Variants in C13orf42 observed in about 807,000 individuals in gnomAD.
The protein encoded by C13orf42 is uncharacterized protein C13orf42.
chr13:51,139,809 T>C (rs1012526166), intron 1 of C13orf42, among the ~76,000 whole-genome samples: 14 of 152,174 alleles, frequency 9.2e-5, no homozygotes, highest in African/African-American at 3.1e-4. Context: ...GAAATCACCA[T>C]AAAAATGAGC....
intron 1 of C13orf42, among the ~76,000 whole-genome samples, chr13:51,110,049 G>A (rs975675735): frequency 4.6e-5 from 7 of 152,126 alleles, no homozygotes; most frequent in Non-Finnish European, 5.9e-5. Context: ...AAAGCCATCC[G>A]GGAATCTCCC....
chr13:51,126,504 A>T (rs906486087), intron 1 of C13orf42, among the ~76,000 whole-genome samples: 1 of 152,356 alleles, frequency 6.6e-6, no homozygotes, highest in Admixed American at 6.5e-5. Flanking sequence ...TTACCTACAA[A>T]TTTAAAAAGC....
intron 1 of C13orf42, among the ~76,000 whole-genome samples, chr13:51,128,787 G>C (rs1471944146): frequency 6.6e-6 from 1 of 152,208 alleles, no homozygotes; most frequent in Non-Finnish European, 1.5e-5. Flanking sequence ...AAATATTAGG[G>C]AAAGTTATAG....
intron 1 of C13orf42, among the ~76,000 whole-genome samples, chr13:51,145,139 C>A (rs200219155): frequency 5.1e-5 from 2 of 39,370 alleles, no homozygotes; most frequent in African/African-American, 2.3e-4. Flanking sequence ...AATTTTTTTT[C>A]CTTCTCTTTT....
At chr13:51,118,472 G>A (rs952410409) in intron 1 of C13orf42, among the ~76,000 whole-genome samples, 1 of 152,192 alleles carries the variant, frequency 6.6e-6, no homozygotes, top group Non-Finnish European at 1.5e-5. Context: ...CAAGTGTTGG[G>A]CCACCAGGCA....
At chr13:51,086,470 G>T (rs1953127221) in intron 2 of C13orf42, among the ~76,000 whole-genome samples, 1 of 151,850 alleles carries the variant, frequency 6.6e-6, no homozygotes, top group Non-Finnish European at 1.5e-5. Context: ...GTGTGTGTAT[G>T]TGAGAGTGTG....
At chr13:51,107,080 AC>A (rs759568953) in intron 1 of C13orf42, among the ~76,000 whole-genome samples, 13 of 152,312 alleles carry the variant, frequency 8.5e-5, no homozygotes, top group Non-Finnish European at 1.5e-4. Context: ...CCCGAGGCTC[AC>A]CTCGCTTCTA....
At chr13:51,165,190 C>A (rs1265292767) in intron 1 of C13orf42, among the ~76,000 whole-genome samples, 1 of 152,200 alleles carries the variant, frequency 6.6e-6, no homozygotes, top group Non-Finnish European at 1.5e-5. Context: ...CCCAGACCCT[C>A]CTGGCTGAGC....
intron 1 of C13orf42, among the ~76,000 whole-genome samples, chr13:51,143,072 G>A (rs1173965556): frequency 2.0e-5 from 3 of 152,158 alleles, no homozygotes; most frequent in Non-Finnish European, 4.4e-5. Flanking sequence ...GTATCTTCCT[G>A]TATATGCTTT....
At chr13:51,128,822 G>T (rs2138019765) in intron 1 of C13orf42, among the ~76,000 whole-genome samples, 1 of 152,328 alleles carries the variant, frequency 6.6e-6, no homozygotes. Flanking sequence ...CCTTTTGGAA[G>T]GCCGAAAGGT....
intron 1 of C13orf42, among the ~76,000 whole-genome samples, chr13:51,133,830 T>TA (rs1953637434): frequency 6.6e-6 from 1 of 152,164 alleles, no homozygotes; most frequent in Non-Finnish European, 1.5e-5. Flanking sequence ...GGCTCTGTGA[T>TA]ACCAGACATC....
intron 1 of C13orf42, among the ~76,000 whole-genome samples, chr13:51,127,513 A>G (rs1328643196): frequency 6.6e-6 from 1 of 152,182 alleles, no homozygotes; most frequent in Non-Finnish European, 1.5e-5. Flanking sequence ...CACAAGGAAG[A>G]CTGGCTTATT....
chr13:51,138,519 C>A (rs56183773), intron 1 of C13orf42, among the ~76,000 whole-genome samples: 4,395 of 151,958 alleles, frequency 0.029, 79 homozygotes, highest in Non-Finnish European at 0.042. Context: ...GAATGAGATA[C>A]CACCTCACAT....
At chr13:51,104,341 A>G (rs1012252083) in intron 1 of C13orf42, among the ~76,000 whole-genome samples, 2 of 152,254 alleles carry the variant, frequency 1.3e-5, no homozygotes, top group Non-Finnish European at 2.9e-5. Context: ...AAGGATATCT[A>G]GTAGTATGCA....
At chr13:51,085,815 C>T (rs1018714023) in intron 2 of C13orf42, among the ~76,000 whole-genome samples, 4 of 151,972 alleles carry the variant, frequency 2.6e-5, no homozygotes, top group East Asian at 3.9e-4. Flanking sequence ...TTTGGGAGTT[C>T]GAGGCAGGCC....
chr13:51,126,859 A>C (rs1953581628), intron 1 of C13orf42, among the ~76,000 whole-genome samples: 1 of 152,226 alleles, frequency 6.6e-6, no homozygotes, highest in Non-Finnish European at 1.5e-5. Context: ...CAGGTGTCTG[A>C]GGAATTTTAA....
At chr13:51,086,317 C>CAAAAAAAAAAAAAAAA (rs151139876) in intron 2 of C13orf42, among the ~76,000 whole-genome samples, 1 of 114,348 alleles carries the variant, frequency 8.7e-6, no homozygotes. Flanking sequence ...AAAAAAAAAA[C>CAAAAAAAAAAAAAAAA]AAAAAAAAAC....
chr13:51,158,323 C>CCT (rs1953839384), intron 1 of C13orf42, among the ~76,000 whole-genome samples: 1 of 152,172 alleles, frequency 6.6e-6, no homozygotes, highest in Non-Finnish European at 1.5e-5. Context: ...CCTGGCTATG[C>CCT]CTCTCCCTGC....
chr13:51,130,853 T>C (rs372380735), intron 1 of C13orf42, among the ~76,000 whole-genome samples: 1 of 147,936 alleles, frequency 6.8e-6, no homozygotes, highest in Non-Finnish European at 1.5e-5. Context: ...GTGTTTTTGG[T>C]AAAAAAAAAA....
Sources: allele counts gnomAD v4.1 joint callset (sites outside exome capture counted in the v4.1 genomes callset), GRCh38; gene constraint gnomAD v4.1.1; transcripts MANE v1.5; gene names NCBI Gene and HGNC (gene_info 2026-07-23, HGNC 2026-07-21).